Variants in ATPAF2 observed in about 807,000 individuals in gnomAD.
ATPAF2 encodes the protein ATP synthase mitochondrial F1 complex assembly factor 2.
A neutral mutation model predicts 36.6 loss-of-function variants in ATPAF2; 30 were observed. The ratio of observed to expected loss-of-function variants is 0.82; its 90% CI spans 0.61 to 1.11. The LOEUF (loss-of-function observed/expected upper bound fraction) is 1.11, where lower values mean the gene tolerates loss of function less well. Among genes scored for constraint, ATPAF2 ranks in the 50% most tolerant of loss-of-function variants. The pLI, the probability that ATPAF2 is intolerant of heterozygous loss-of-function variation, is 0.00. For missense variants in ATPAF2, 321 were observed against 372.3 expected (o/e 0.86, Z 1.13); for synonymous variants, 140 against 152.6 (o/e 0.92, Z 0.61).
chr17:18,033,475 A>G (rs2044665071), intron 1 of ATPAF2, among the ~76,000 whole-genome samples: 1 of 152,052 alleles, frequency 6.6e-6, no homozygotes, highest in East Asian at 1.9e-4. Context: ...TGAAGCTTCC[A>G]TGTTCTCGGT....
At chr17:18,023,112 G>A (rs1423817834) in intron 5 of ATPAF2, among the ~76,000 whole-genome samples, 1 of 139,638 alleles carries the variant, frequency 7.2e-6, no homozygotes, top group Non-Finnish European at 1.5e-5. Flanking sequence ...CTGGGTGACA[G>A]AGCGAGACTC....
At chr17:18,016,641 C>A (rs1443880709), downstream of ATPAF2, 2 of 1,613,494 alleles carry the variant, frequency 1.2e-6, no homozygotes, top group South Asian at 2.2e-5. Context: ...GCGAACTGGA[C>A]AACCTGGAAT....
At chr17:18,030,524 A>C (rs2145509721) in intron 1 of ATPAF2, among the ~76,000 whole-genome samples, 2 of 150,052 alleles carry the variant, frequency 1.3e-5, no homozygotes, top group South Asian at 4.2e-4. Context: ...AAAAAAAAAA[A>C]AAAAAAAAAA....
At chr17:18,024,487 G>A (rs1296889640) in intron 5 of ATPAF2, 137 bp downstream of exon 5, 27 of 765,512 alleles carry the variant, frequency 3.5e-5, no homozygotes, top group Middle Eastern at 3.4e-4. Flanking sequence ...TATGAGGGGA[G>A]CCAAATCCCA....
At chr17:18,034,922 A>C (rs760080295) in intron 1 of ATPAF2, among the ~76,000 whole-genome samples, 3 of 152,236 alleles carry the variant, frequency 2.0e-5, no homozygotes, top group Non-Finnish European at 4.4e-5. Context: ...GGAGTCATTG[A>C]TACATGATAC....
At chr17:18,036,072 A>C (rs541056275) in intron 1 of ATPAF2, among the ~76,000 whole-genome samples, 1 of 152,276 alleles carries the variant, frequency 6.6e-6, no homozygotes, top group African/African-American at 2.4e-5. Flanking sequence ...TCTTGTTGCA[A>C]TATCTCCTTC....
chr17:18,032,756 C>T (rs573680179), intron 1 of ATPAF2, among the ~76,000 whole-genome samples: 40 of 152,040 alleles, frequency 2.6e-4, no homozygotes, highest in African/African-American at 9.4e-4. Context: ...TGTGATGGGG[C>T]AGGCACGTGG....
chr17:18,018,736 G>A, intron 7 of ATPAF2, 50 bp from the exon 8 acceptor site: 1 of 1,612,954 alleles, frequency 6.2e-7, no homozygotes, highest in Non-Finnish European at 8.5e-7. Flanking sequence ...GTGCCTGGCT[G>A]CCTCCTGACC....
intron 1 of ATPAF2, among the ~76,000 whole-genome samples, chr17:18,036,812 C>T (rs2044709617): frequency 6.6e-6 from 1 of 152,208 alleles, no homozygotes; most frequent in Non-Finnish European, 1.5e-5. Context: ...GTGGCTCACG[C>T]CTGTAATCCC....
chr17:18,022,357 C>T (rs1225147713), intron 5 of ATPAF2, among the ~76,000 whole-genome samples: 1 of 152,178 alleles, frequency 6.6e-6, no homozygotes, highest in Non-Finnish European at 1.5e-5. Context: ...TCTTGACTCA[C>T]TGCAGCCTTG....
At chr17:18,028,734 T>C in intron 1 of ATPAF2, 75 bp from the exon 2 acceptor site, 2 of 1,294,114 alleles carry the variant, frequency 1.5e-6, no homozygotes, top group Non-Finnish European at 2.2e-6. Flanking sequence ...GACCAGCTTG[T>C]ATCATTACTG....
chr17:18,018,440 C>T lies in ATPAF2; in HGVS notation c.*109G>A. 5 of 1,487,918 alleles carry T rather than the reference C, an allele frequency of 3.4e-6. No homozygotes were observed. The highest frequency in any genetic ancestry group is 2.4e-4 in the Middle Eastern group (1 of 4,252). 92.2% of individuals were successfully genotyped at this position (1,487,918 alleles called of 1,614,324 possible). ...GGGAATCTCAGGGTGACGCTGAGGC[C>T]GAGTCCCCAAAAGCCAAGGAAGCCA... On this transcript the variant is annotated 3_prime_UTR_variant, in exon 8 of 8. Coordinates refer to ENST00000474627, the MANE Select transcript of ATPAF2 (RefSeq NM_145691.4).
Position 18,021,802 on chromosome 17 carries a change from T to C in ATPAF2, c.559A>G (p.Lys187Glu). Residue 187 changes from lysine to glutamate, a missense_variant, in exon 6 of 8, where the codon AAA becomes GAA. Coordinates refer to ENST00000474627, the MANE Select transcript of ATPAF2 (RefSeq NM_145691.4). ...TGGCTGACGAGCACCTCCCGAGTTTTGGCAGGGATGCTGGGTCCCATTATG... is the reference window on the plus strand; with the variant it reads ...TGGCTGACGAGCACCTCCCGAGTTTCGGCAGGGATGCTGGGTCCCATTATG... ...TSIMGPSIPA[K>E]TREVLVSHLA... The C allele has an allele frequency of 6.2e-7, 1 of 1,614,184 alleles. No homozygotes were observed. The highest frequency in any genetic ancestry group is 8.5e-7 in the Non-Finnish European group (1 of 1,180,024).
intron 1 of ATPAF2, among the ~76,000 whole-genome samples, chr17:18,036,667 T>C (rs1459990004): frequency 3.3e-5 from 5 of 152,100 alleles, no homozygotes; most frequent in African/African-American, 1.2e-4. Flanking sequence ...CTACCTACCA[T>C]GTGCCAGGTA....
intron 1 of ATPAF2, among the ~76,000 whole-genome samples, chr17:18,036,287 G>C (rs1041814218): frequency 6.6e-6 from 1 of 152,124 alleles, no homozygotes; most frequent in Non-Finnish European, 1.5e-5. Flanking sequence ...AACACGTGGG[G>C]GTCGGGGGCC....
chr17:18,038,050 A>G (rs2955383), intron 1 of ATPAF2, among the ~76,000 whole-genome samples: 67,363 of 152,092 alleles, frequency 0.44, 16,446 homozygotes, highest in East Asian at 0.9. Flanking sequence ...ATTTAATCAG[A>G]ATATTATAAC....
At position 18,021,816 on chromosome 17, in the gene ATPAF2, G is replaced by A. The variant is rs769489117; in HGVS notation, c.545C>T (p.Pro182Leu). 1 of 1,614,118 alleles carries A rather than the reference G, an allele frequency of 6.2e-7. No homozygotes were observed. The highest frequency in any genetic ancestry group is 1.7e-5 in the Admixed American group (1 of 60,022). Residue 182 changes from proline (P) to leucine (L), a missense_variant, in exon 6 of 8, where the codon CCC (proline) becomes CTC (leucine). Around this residue, in one of 3 missense-constraint regions of ATPAF2, gnomAD observed 199 missense variants for 220.6 expected, o/e 0.90. Coordinates refer to ENST00000474627, the MANE Select transcript of ATPAF2 (RefSeq NM_145691.4). ...CTCCCGAGTTTTGGCAGGGATGCTG[G>A]GTCCCATTATGCTGGTGGAGGAGCT... ...EISSSTSIMG[P>L]SIPAKTREVL...
chr17:18,033,008 G>C (rs545294074), intron 1 of ATPAF2, among the ~76,000 whole-genome samples: 1 of 151,946 alleles, frequency 6.6e-6, no homozygotes, highest in Non-Finnish European at 1.5e-5. Flanking sequence ...GCCACATATG[G>C]GGGACATGTA....
intron 1 of ATPAF2, among the ~76,000 whole-genome samples, chr17:18,030,158 T>C (rs1255897215): frequency 6.6e-6 from 1 of 151,062 alleles, no homozygotes; most frequent in Non-Finnish European, 1.5e-5. Flanking sequence ...CCATCTCTAC[T>C]AAAAATACAA....
Sources: gnomAD v4.1 joint callset for allele counts (sites outside exome capture counted in the v4.1 genomes callset) on GRCh38, gnomAD v4.1.1 for gene constraint, gnomAD v4.1.1 regional missense constraint, MANE v1.5 for transcripts, NCBI Gene and HGNC (gene_info 2026-07-23, HGNC 2026-07-21) for gene names.